Variants in ZEB2 observed in about 807,000 individuals in gnomAD.
ZEB2 encodes the protein zinc finger E-box-binding homeobox 2.
In ZEB2, 6 loss-of-function variants were observed where a neutral mutation model predicts 99.9. The ratio of observed to expected loss-of-function variants is 0.06; its 90% CI spans 0.03 to 0.12. ZEB2 has a LOEUF of 0.12. Ranked by LOEUF, ZEB2 falls within the 10% of genes least tolerant of loss-of-function variation. The pLI, the probability that ZEB2 is intolerant of heterozygous loss-of-function variation, is 1.00. For missense variants in ZEB2, 969 were observed against 1,502.8 expected (o/e 0.64, Z 5.87); for synonymous variants, 517 against 542.5 (o/e 0.95, Z 0.65).
At chr2:144,414,116 G>A (rs765998902) in intron 4 of ZEB2, among the ~76,000 whole-genome samples, 12 of 152,104 alleles carry the variant, frequency 7.9e-5, no homozygotes, top group Admixed American at 5.2e-4. Context: ...GTCTAGATCT[G>A]GATCTTTACT....
chr2:144,422,109 C>A (rs1703626781), intron 4 of ZEB2, among the ~76,000 whole-genome samples: 1 of 152,200 alleles, frequency 6.6e-6, no homozygotes, highest in African/African-American at 2.4e-5. Context: ...CACCTTAGGA[C>A]AAGATTTTTA....
At chr2:144,505,048 G>A (rs1251211465) in intron 2 of ZEB2, among the ~76,000 whole-genome samples, 1 of 151,726 alleles carries the variant, frequency 6.6e-6, no homozygotes, top group Non-Finnish European at 1.5e-5. Flanking sequence ...GATTGCAGAA[G>A]TAGAAGATGG....
intron 6 of ZEB2, among the ~76,000 whole-genome samples, chr2:144,403,085 C>T (rs1363122749): frequency 6.6e-6 from 1 of 152,204 alleles, no homozygotes. Flanking sequence ...ACTTAAGGCA[C>T]ACCACTTCTG....
chr2:144,417,371 A>T (rs997893299), intron 4 of ZEB2, among the ~76,000 whole-genome samples: 13 of 152,200 alleles, frequency 8.5e-5, no homozygotes, highest in African/African-American at 3.1e-4. Context: ...AGTGGTTGTT[A>T]ACAATGGGCA....
intron 4 of ZEB2, among the ~76,000 whole-genome samples, chr2:144,416,824 A>T (rs1417556730): frequency 6.6e-6 from 1 of 152,150 alleles, no homozygotes; most frequent in Non-Finnish European, 1.5e-5. Flanking sequence ...TCTTTAAGGC[A>T]CCTCTCTTGT....
intron 8 of ZEB2, 66 bp downstream of exon 8, chr2:144,398,235 A>C: frequency 6.3e-7 from 1 of 1,591,664 alleles, no homozygotes; most frequent in Non-Finnish European, 8.5e-7. Context: ...TTTTTTTCCT[A>C]CATGCACATA....
intron 2 of ZEB2, among the ~76,000 whole-genome samples, chr2:144,456,494 C>A (rs1025782443): frequency 6.6e-6 from 1 of 151,990 alleles, no homozygotes; most frequent in Non-Finnish European, 1.5e-5. Context: ...TCATTTCTAC[C>A]TTTCTTGGGC....
At chr2:144,396,678 C>A in intron 8 of ZEB2, 86 bp from the exon 9 acceptor site, 2 of 1,434,618 alleles carry the variant, frequency 1.4e-6, no homozygotes, top group Admixed American at 1.9e-5. Context: ...TTTGGAGAAC[C>A]TCAAAATTGC....
chr2:144,410,568 G>A (rs554515639), intron 4 of ZEB2, among the ~76,000 whole-genome samples: 10 of 152,108 alleles, frequency 6.6e-5, no homozygotes, highest in South Asian at 4.1e-4. Context: ...CTTTCTCAAA[G>A]ATACTTAAAA....
chr2:144,384,274 A>G lies in ZEB2; in HGVS notation c.*5177T>C, dbSNP rs898523653. 2.0e-5 allele frequency: 3 copies of G among 151,944 alleles called. No homozygotes were observed. Among genetic ancestry groups the G allele is most frequent in the Admixed American group, 1.3e-4 (2 of 15,236 alleles). 9.4% of individuals were successfully genotyped at this position (151,944 alleles called of 1,614,324 possible). ...AGTAGGCGACTCGTTTAATAGAGAA[A>G]GTTTTAGCTTGTGGCATATTCAGCA... is the stretch of plus-strand genomic sequence containing the variant. On this transcript the variant is annotated 3_prime_UTR_variant, in exon 10 of 10. Coordinates refer to ENST00000627532, the MANE Select transcript of ZEB2 (RefSeq NM_014795.4).
chr2:144,517,769 C>T (rs887255252), intron 1 of ZEB2: 2 of 686,316 alleles, frequency 2.9e-6, no homozygotes, highest in Non-Finnish European at 5.3e-6. Context: ...AAGTCCTCAG[C>T]CCCCGGCTCG....
At chr2:144,411,176 TAA>T (rs1167792495) in intron 4 of ZEB2, among the ~76,000 whole-genome samples, 1 of 135,748 alleles carries the variant, frequency 7.4e-6, no homozygotes, top group Non-Finnish European at 1.6e-5. Context: ...GTAATGTATA[TAA>T]CATAAATTAT....
chr2:144,413,978 T>C (rs576224476), intron 4 of ZEB2, among the ~76,000 whole-genome samples: 1 of 152,342 alleles, frequency 6.6e-6, no homozygotes, highest in African/African-American at 2.4e-5. Flanking sequence ...ATGCTAACGA[T>C]GCGATGCACA....
rs1314839329 is a variant in ZEB2 at position 144,429,818 on chromosome 2, T to C, written c.282A>G (p.Glu94=). ...EEDEIREGGV[E]HPWHNNEILQ... Reference sequence around the variant, plus strand: ...GAATCTCGTTGTTGTGCCAGGGGTGTTCCACTCCACCCTCCCTTATTTCAT... The same window carrying C: ...GAATCTCGTTGTTGTGCCAGGGGTGCTCCACTCCACCCTCCCTTATTTCAT... Residue 94 remains glutamate (E), a synonymous_variant, in exon 3 of 10, where the codon GAA becomes GAG. Transcript: ENST00000627532. 4 of 1,613,750 alleles carry C rather than the reference T, an allele frequency of 2.5e-6. No individual in the cohort carries two copies. Among genetic ancestry groups the C allele is most frequent in the Non-Finnish European group, 3.4e-6 (4 of 1,179,868 alleles).
intron 2 of ZEB2, among the ~76,000 whole-genome samples, chr2:144,455,427 C>T (rs1260211532): frequency 6.6e-6 from 1 of 152,156 alleles, no homozygotes; most frequent in Non-Finnish European, 1.5e-5. Context: ...AGCTGACTAT[C>T]TGCTACTTCA....
chr2:144,499,665 A>T (rs1487359594), intron 2 of ZEB2, among the ~76,000 whole-genome samples: 2 of 152,224 alleles, frequency 1.3e-5, no homozygotes, highest in Non-Finnish European at 2.9e-5. Flanking sequence ...AACTTTAAAA[A>T]TTTAATCTCA....
chr2:144,462,362 G>A (rs971088262), intron 2 of ZEB2: 1 of 151,982 alleles, frequency 6.6e-6, no homozygotes, highest in Non-Finnish European at 1.5e-5. Context: ...AAGGCCCTTG[G>A]TGATGACTCC....
At chr2:144,506,004 T>C (rs145562363) in intron 2 of ZEB2, among the ~76,000 whole-genome samples, 174 of 152,270 alleles carry the variant, frequency 1.1e-3, no homozygotes, top group African/African-American at 3.9e-3. Flanking sequence ...TGTGTTAAGA[T>C]TGGTAATACT....
rs111568777 is a variant in ZEB2, at chr2:144,514,658, C to T, written c.73+2620G>A. 2.5e-3 allele frequency among the ~76,000 whole-genome samples: 384 copies of T among 152,266 alleles called. 3 individuals carry two copies. The highest frequency in any genetic ancestry group is 8.9e-3 in the African/African-American group (370 of 41,536). The stretch of plus-strand genomic sequence containing the variant: ...TACTCTTCTACCTGCTTCTCAAAAC[C>T]AGAACATTGCTCGGTCAGATTAAAC... On this transcript the variant is annotated intron_variant, in intron 2 of 9. Coordinates refer to ENST00000627532, the MANE Select transcript of ZEB2 (RefSeq NM_014795.4).
Sources: allele counts gnomAD v4.1 joint callset (sites outside exome capture counted in the v4.1 genomes callset), GRCh38; gene constraint gnomAD v4.1.1; transcripts MANE v1.5; gene names NCBI Gene and HGNC (gene_info 2026-07-23, HGNC 2026-07-21).